NR3C2: variants seen among roughly 807,000 people sequenced by gnomAD.
NR3C2 encodes the protein mineralocorticoid receptor.
In NR3C2, 15 loss-of-function variants were observed where a neutral mutation model predicts 86.4. The ratio of observed to expected loss-of-function variants is 0.17; its 90% CI spans 0.12 to 0.27. The LOEUF is 0.27. Ranked by LOEUF, NR3C2 falls within the 10% of genes least tolerant of loss-of-function variation. The probability of loss-of-function intolerance (pLI) is 1.00; values close to 1 mark genes in which losing one functional copy is unlikely to be tolerated. For synonymous variants in NR3C2, 458 were observed against 450.5 expected (o/e 1.02, Z -0.21); for missense variants, 960 against 1,195.6 (o/e 0.80, Z 2.91).
At chr4:148,149,380 C>T (rs1578941589) in intron 6 of NR3C2, among the ~76,000 whole-genome samples, 1 of 151,804 alleles carries the variant, frequency 6.6e-6, no homozygotes, top group East Asian at 1.9e-4. Context: ...ATTTCTAAAC[C>T]CCTTTAAGTA....
At chr4:148,159,307 C>A (rs983093829) in intron 4 of NR3C2, among the ~76,000 whole-genome samples, 13 of 152,126 alleles carry the variant, frequency 8.5e-5, no homozygotes, top group African/African-American at 2.7e-4. Flanking sequence ...GAAATGTGGG[C>A]AAGCTTCTGA....
chr4:148,105,047 T>C (rs1208502097), intron 8 of NR3C2, among the ~76,000 whole-genome samples: 1 of 152,202 alleles, frequency 6.6e-6, no homozygotes, highest in Non-Finnish European at 1.5e-5. Flanking sequence ...CATTCTTCCA[T>C]ATGAGGTTTA....
At position 148,380,089 on chromosome 4, in the gene NR3C2, AT is replaced by A. The variant is rs1746891399; in HGVS notation, c.1757+55014del. Among the ~76,000 whole-genome samples the A allele has an allele frequency of 2.0e-5, 3 of 152,210 alleles. No homozygotes were observed. In the South Asian group the frequency reaches 6.2e-4, roughly 32 times the overall value. On this transcript the variant is annotated intron_variant, in intron 2 of 8. Transcript: ENST00000358102. Reference sequence around the variant, plus strand: ...CTTTTTTGTTTTTTATTGAGATATAATTCAGATACCATAATATTCATGACTT... The same window carrying A: ...CTTTTTTGTTTTTTATTGAGATATAATCAGATACCATAATATTCATGACTT...
intron 6 of NR3C2, among the ~76,000 whole-genome samples, chr4:148,125,136 A>G (rs994572094): frequency 3.3e-5 from 5 of 152,198 alleles, no homozygotes; most frequent in Admixed American, 3.3e-4. Flanking sequence ...AGCATTTGCT[A>G]CTGCCATGGG....
intron 2 of NR3C2, among the ~76,000 whole-genome samples, chr4:148,430,774 G>T (rs1332908811): frequency 6.6e-6 from 1 of 151,852 alleles, no homozygotes. Flanking sequence ...TTAGTAAAAG[G>T]GCAAACTTTG....
intron 2 of NR3C2, among the ~76,000 whole-genome samples, chr4:148,269,401 T>C (rs1366872335): frequency 2.0e-5 from 3 of 152,200 alleles, no homozygotes; most frequent in East Asian, 1.9e-4. Flanking sequence ...AAGATGCATA[T>C]GTAAACTATA....
intron 2 of NR3C2, among the ~76,000 whole-genome samples, chr4:148,385,218 C>T (rs1747202014): frequency 6.6e-6 from 1 of 152,202 alleles, no homozygotes; most frequent in Non-Finnish European, 1.5e-5. Flanking sequence ...AGACTTATCA[C>T]ATCACCATTA....
At chr4:148,321,075 G>T (rs1228484708) in intron 2 of NR3C2, among the ~76,000 whole-genome samples, 3 of 151,130 alleles carry the variant, frequency 2.0e-5, no homozygotes, top group African/African-American at 7.3e-5. Context: ...CTGGTATGTT[G>T]TGTCTTTGTT....
chr4:148,315,988 TA>T (rs1743152257), intron 2 of NR3C2, among the ~76,000 whole-genome samples: 1 of 152,206 alleles, frequency 6.6e-6, no homozygotes, highest in South Asian at 2.1e-4. Context: ...ACTTCTATAA[TA>T]TGCATATTTG....
chr4:148,208,641 A>T lies in NR3C2; in HGVS notation c.1898-13779T>A, dbSNP rs1404503945. 3 of 151,642 alleles carry T rather than the reference A, an allele frequency of 2.0e-5. No homozygotes were observed. The East Asian group carries it at 5.8e-4, about 29-fold the overall frequency. 9.4% of individuals were successfully genotyped at this position (151,642 alleles called of 1,614,324 possible). On this transcript the variant is annotated intron_variant, in intron 3 of 8. Transcript: ENST00000358102. Reference sequence around the variant, plus strand: ...ATGCAGTCTCCTCCTACACCCAAAGACTCTCATGATGTCCTACTCAGACCA... The same window carrying T: ...ATGCAGTCTCCTCCTACACCCAAAGTCTCTCATGATGTCCTACTCAGACCA...
chr4:148,236,857 C>T (rs181074785), intron 3 of NR3C2, among the ~76,000 whole-genome samples: 7 of 152,244 alleles, frequency 4.6e-5, no homozygotes, highest in East Asian at 3.9e-4. Flanking sequence ...ATAAACACAT[C>T]GATGCAAAAA....
chr4:148,209,540 C>G (rs1009886699), intron 3 of NR3C2, among the ~76,000 whole-genome samples: 2 of 152,172 alleles, frequency 1.3e-5, no homozygotes, highest in Non-Finnish European at 2.9e-5. Context: ...TCAAGTGATT[C>G]TCCTGCTATG....
intron 2 of NR3C2, among the ~76,000 whole-genome samples, chr4:148,361,899 A>T (rs577457104): frequency 6.6e-5 from 10 of 152,134 alleles, no homozygotes; most frequent in Non-Finnish European, 1.2e-4. Flanking sequence ...GTGCAGTGGC[A>T]CGATCTTGGC....
chr4:148,298,300 T>G (rs1040071054), intron 2 of NR3C2, among the ~76,000 whole-genome samples: 2 of 152,176 alleles, frequency 1.3e-5, no homozygotes, highest in Non-Finnish European at 2.9e-5. Flanking sequence ...TGATTCAATT[T>G]ACATGAAATT....
intron 6 of NR3C2, among the ~76,000 whole-genome samples, chr4:148,135,689 CAA>C (rs909414975): frequency 4.5e-5 from 2 of 44,130 alleles, no homozygotes; most frequent in African/African-American, 1.0e-4. Context: ...GATGGAGCTG[CAA>C]AAAAAAAGTT....
At chr4:148,391,700 C>T (rs1747578161) in intron 2 of NR3C2, among the ~76,000 whole-genome samples, 1 of 151,976 alleles carries the variant, frequency 6.6e-6, no homozygotes, top group Non-Finnish European at 1.5e-5. Context: ...AACCCTCTCT[C>T]TACTAAAAAT....
In NR3C2 at chr4:148,081,234, GA is replaced by G. The variant is rs1730538540; in HGVS notation, c.*109del. 290 of 1,408,476 alleles carry G rather than the reference GA, an allele frequency of 2.1e-4. 4 individuals are homozygous for G. In the South Asian group the frequency reaches 3.4e-3, roughly 16 times the overall value. 87.2% of individuals were successfully genotyped at this position (1,408,476 alleles called of 1,614,324 possible). A position where few individuals can be genotyped will look rare whatever the true frequency, so the allele number is the denominator to read the frequency against. ...ATGACTTTAAACTTGAGAAACTGTT[GA>G]ACAAGTGTGAATCAACCATCACATG... On this transcript the variant is annotated 3_prime_UTR_variant, in exon 9 of 9. Transcript: ENST00000358102.
chr4:148,419,338 G>A (rs748049330), intron 2 of NR3C2, among the ~76,000 whole-genome samples: 1 of 152,150 alleles, frequency 6.6e-6, no homozygotes, highest in Non-Finnish European at 1.5e-5. Context: ...GAAATGGTTG[G>A]CGAAGGAAGG....
At chr4:148,300,781 A>G (rs762731601) in intron 2 of NR3C2, among the ~76,000 whole-genome samples, 26 of 152,140 alleles carry the variant, frequency 1.7e-4, no homozygotes, top group Non-Finnish European at 3.2e-4. Context: ...TATGTTGGTC[A>G]GGCTGGGCTC....
Sources: gnomAD v4.1 joint callset for allele counts (sites outside exome capture counted in the v4.1 genomes callset) on GRCh38, gnomAD v4.1.1 for gene constraint, MANE v1.5 for transcripts, NCBI Gene and HGNC (gene_info 2026-07-23, HGNC 2026-07-21) for gene names.